The following NMNAT2 variants were observed in gnomAD, a reference collection of about 807,000 sequenced individuals.
NMNAT2 encodes the protein nicotinamide nucleotide adenylyltransferase 2.
A neutral mutation model predicts 41.6 loss-of-function variants in NMNAT2; 11 were observed. The ratio of observed to expected loss-of-function variants is 0.26; its 90% CI spans 0.17 to 0.44. NMNAT2 has a LOEUF of 0.44. NMNAT2 is among the 20% of genes least tolerant of loss of function. The pLI is 1.00. For synonymous variants in NMNAT2, 148 were observed against 151.2 expected, an observed-to-expected ratio of 0.98 and a Z score of 0.16; for missense variants, 288 against 407.7, an observed-to-expected ratio of 0.71 and a Z score of 2.53.
At chr1:183,325,819 G>A (rs75193513) in intron 1 of NMNAT2, among the ~76,000 whole-genome samples, 2,122 of 152,188 alleles carry the variant, frequency 0.014, 42 homozygotes, top group African/African-American at 0.048. Context: ...AGTACAATTC[G>A]TTGCACATAG....
intron 1 of NMNAT2, among the ~76,000 whole-genome samples, chr1:183,295,667 A>G (rs79467304): frequency 1.1e-4 from 16 of 152,134 alleles, no homozygotes; most frequent in African/African-American, 3.9e-4. Context: ...CCACCCATTC[A>G]TGCCTCCTCT....
intron 8 of NMNAT2, 73 bp from the exon 9 acceptor site, chr1:183,261,376 G>C: frequency 1.6e-6 from 2 of 1,228,802 alleles, no homozygotes; most frequent in Non-Finnish European, 2.3e-6. Context: ...ACTTAGCATG[G>C]CAGAATCCGC....
At chr1:183,407,630 T>C (rs1648995905) in intron 1 of NMNAT2, among the ~76,000 whole-genome samples, 1 of 152,174 alleles carries the variant, frequency 6.6e-6, no homozygotes, top group South Asian at 2.1e-4. Context: ...TGATAGATAA[T>C]ATGAGGCATG....
At chr1:183,334,560 G>GC (rs1662645846) in intron 1 of NMNAT2, among the ~76,000 whole-genome samples, 1 of 150,996 alleles carries the variant, frequency 6.6e-6, no homozygotes, top group South Asian at 2.1e-4. Flanking sequence ...TGTCTCCCAG[G>GC]CTGGAGTACA....
chr1:183,394,100 G>A (rs1016615222), intron 1 of NMNAT2, among the ~76,000 whole-genome samples: 5 of 152,218 alleles, frequency 3.3e-5, no homozygotes, highest in African/African-American at 4.8e-5. Flanking sequence ...AGTGAGCTAT[G>A]TTTGAGATGC....
rs1662989833 is a variant in NMNAT2, at chr1:183,348,988, A to T, written c.86-55195T>A. 2.0e-5 allele frequency among the ~76,000 whole-genome samples: 3 copies of T among 152,138 alleles called. No homozygotes were observed. The South Asian group carries it at 6.2e-4, about 31-fold the overall frequency. ...GGACACCAAAGTGAACACAGCATGG[A>T]CTCGGTGCACCAGGTTGACCCAGGC... On this transcript the variant is annotated intron_variant, in intron 1 of 10. Transcript: ENST00000287713.
In NMNAT2 at chr1:183,372,922, C is replaced by T. The variant is rs7527262; in HGVS notation, c.85+45261G>A. Reference sequence around the variant, plus strand: ...CAGGGCCTGGAGGTGAGAGATTCTCCATGGATTCTTCTTGTGAATTGGAGG... The same window carrying T: ...CAGGGCCTGGAGGTGAGAGATTCTCTATGGATTCTTCTTGTGAATTGGAGG... On this transcript the variant is annotated intron_variant, in intron 1 of 10. Coordinates refer to ENST00000287713, the MANE Select transcript of NMNAT2 (RefSeq NM_015039.4). Among the ~76,000 whole-genome samples the T allele has an allele frequency of 9.8e-3, 1,489 of 152,340 alleles. 24 individuals carry two copies. Among genetic ancestry groups the T allele is most frequent in the African/African-American group, 0.034 (1,411 of 41,580 alleles).
chr1:183,253,295 A>AATATT (rs562987305), intron 10 of NMNAT2, among the ~76,000 whole-genome samples: 33 of 147,840 alleles, frequency 2.2e-4, no homozygotes, highest in Middle Eastern at 3.6e-3. Context: ...TAATAGTGTT[A>AATATT]ATATTATATT....
intron 1 of NMNAT2, among the ~76,000 whole-genome samples, chr1:183,386,342 C>T (rs538777082): frequency 1.3e-5 from 2 of 152,218 alleles, no homozygotes; most frequent in East Asian, 3.9e-4. Context: ...ATGTATAAAT[C>T]TTTACAAAGT....
intron 1 of NMNAT2, among the ~76,000 whole-genome samples, chr1:183,322,039 G>A (rs1299804841): frequency 6.6e-6 from 1 of 151,644 alleles, no homozygotes; most frequent in Non-Finnish European, 1.5e-5. Flanking sequence ...TACTCAGGCT[G>A]GTTTGGAACA....
At chr1:183,405,431 TA>T (rs1420944907) in intron 1 of NMNAT2, among the ~76,000 whole-genome samples, 1 of 152,220 alleles carries the variant, frequency 6.6e-6, no homozygotes, top group Admixed American at 6.5e-5. Flanking sequence ...GAATTTTTCA[TA>T]AGAAAAATGG....
At chr1:183,339,694 C>T (rs369393254) in intron 1 of NMNAT2, among the ~76,000 whole-genome samples, 2 of 152,302 alleles carry the variant, frequency 1.3e-5, no homozygotes, top group African/African-American at 2.4e-5. Flanking sequence ...TCAGCATTGA[C>T]GTGGCTTATC....
At chr1:183,404,825 C>G (rs956632986) in intron 1 of NMNAT2, among the ~76,000 whole-genome samples, 1 of 152,220 alleles carries the variant, frequency 6.6e-6, no homozygotes, top group Non-Finnish European at 1.5e-5. Flanking sequence ...CCAACCCTGT[C>G]TGCAACCCAA....
chr1:183,359,405 C>A (rs773652717), intron 1 of NMNAT2, among the ~76,000 whole-genome samples: 48 of 152,120 alleles, frequency 3.2e-4, no homozygotes, highest in Non-Finnish European at 1.3e-4. Context: ...AGAGAAAACC[C>A]AGTGGTGTGT....
chr1:183,292,334 G>A (rs985284731), intron 3 of NMNAT2, among the ~76,000 whole-genome samples: 6 of 152,206 alleles, frequency 3.9e-5, no homozygotes, highest in Admixed American at 6.5e-5. Flanking sequence ...GGGCAGGCCC[G>A]CACCTGTCTC....
At chr1:183,281,159 T>C (rs1037161550) in intron 7 of NMNAT2, among the ~76,000 whole-genome samples, 3 of 152,144 alleles carry the variant, frequency 2.0e-5, no homozygotes, top group Admixed American at 1.3e-4. Flanking sequence ...GCCAAAAGAT[T>C]GGACAGCCCT....
chr1:183,382,729 G>A (rs779688962), intron 1 of NMNAT2, among the ~76,000 whole-genome samples: 18 of 152,164 alleles, frequency 1.2e-4, no homozygotes, highest in Admixed American at 5.2e-4. Context: ...AATTTCCTTT[G>A]ACTCCATGTC....
intron 8 of NMNAT2, among the ~76,000 whole-genome samples, chr1:183,275,609 C>T (rs911143644): frequency 2.0e-5 from 3 of 151,498 alleles, no homozygotes; most frequent in Non-Finnish European, 4.4e-5. Flanking sequence ...GGATGGGTGT[C>T]CTGGGACTCC....
intron 1 of NMNAT2, among the ~76,000 whole-genome samples, chr1:183,380,979 A>T (rs1219355875): frequency 1.3e-5 from 2 of 151,962 alleles, no homozygotes; most frequent in Non-Finnish European, 2.9e-5. Flanking sequence ...CAGTGTGAGG[A>T]GTGGATGAGG....
Sources: gnomAD v4.1 joint callset for allele counts (sites outside exome capture counted in the v4.1 genomes callset) on GRCh38, gnomAD v4.1.1 for gene constraint, MANE v1.5 for transcripts, NCBI Gene and HGNC (gene_info 2026-07-23, HGNC 2026-07-21) for gene names.